Variants in RIPOR3 observed in about 807,000 individuals in gnomAD.
RIPOR3 encodes family with sequence similarity 65 member C.
In RIPOR3, 95 loss-of-function variants were observed where a neutral mutation model predicts 114.3. The ratio of observed to expected loss-of-function variants is 0.83; its 90% CI spans 0.70 to 0.99. The LOEUF is 0.99. Ranked by LOEUF, RIPOR3 falls within the 50% of genes least tolerant of loss-of-function variation. The pLI is 0.00. For missense variants in RIPOR3, 1,252 were observed against 1,266.9 expected (o/e 0.99, Z 0.18); for synonymous variants, 575 against 543.8 (o/e 1.06, Z -0.80).
intron 2 of RIPOR3, chr20:50,621,157 T>G (rs2084389725): frequency 2.8e-6 from 1 of 353,698 alleles, no homozygotes; most frequent in African/African-American, 2.2e-5. Context: ...AAATCTGGTA[T>G]CAGAAATGAA....
chr20:50,642,832 T>A (rs1270522109), intron 1 of RIPOR3, among the ~76,000 whole-genome samples: 2 of 152,042 alleles, frequency 1.3e-5, no homozygotes, highest in African/African-American at 4.8e-5. Context: ...GCAGATCACC[T>A]GAGGTCAGGA....
intron 19 of RIPOR3, among the ~76,000 whole-genome samples, chr20:50,590,436 G>A (rs2083073492): frequency 6.6e-6 from 1 of 152,240 alleles, no homozygotes; most frequent in Non-Finnish European, 1.5e-5. Context: ...TCGAGTGGCT[G>A]CACCTTCAAC....
intron 1 of RIPOR3, among the ~76,000 whole-genome samples, chr20:50,668,522 A>G (rs1568948992): frequency 2.0e-5 from 3 of 152,076 alleles, no homozygotes; most frequent in Non-Finnish European, 4.4e-5. Context: ...TCCCACACAC[A>G]CCCACACAAC....
At position 50,647,654 on chromosome 20, in the gene RIPOR3, T is replaced by C. The variant is rs528402578; in HGVS notation, c.4-16798A>G. ...CCCGCTACCATGCCCGGCTAATTTT[T>C]TGTATTTTTAGTAGAGACAGGGTTT... On this transcript the variant is annotated intron_variant, in intron 1 of 21. Transcript: ENST00000327979. Among the ~76,000 whole-genome samples, 19 of 151,568 alleles carry C rather than the reference T, an allele frequency of 1.3e-4. No homozygotes were observed. The South Asian group carries it at 4.0e-3, about 32-fold the overall frequency.
intron 10 of RIPOR3, 27 bp from the exon 11 acceptor site, chr20:50,608,561 T>C: frequency 6.2e-7 from 1 of 1,613,582 alleles, no homozygotes; most frequent in African/African-American, 1.3e-5. Context: ...GAGGGTGGTG[T>C]CTGAGCCGAA....
chr20:50,679,149 T>TACAC (rs869151189), intron 1 of RIPOR3, among the ~76,000 whole-genome samples: 1 of 99,730 alleles, frequency 1.0e-5, no homozygotes, highest in African/African-American at 4.0e-5. Context: ...TATATATATA[T>TACAC]ACACACACAC....
At chr20:50,675,869 A>C (rs1364137004) in intron 1 of RIPOR3, among the ~76,000 whole-genome samples, 2 of 152,202 alleles carry the variant, frequency 1.3e-5, no homozygotes, top group African/African-American at 4.8e-5. Flanking sequence ...GGCAAGTCGA[A>C]CGGCAGACGG....
chr20:50,592,255 CACTT>C, intron 19 of RIPOR3, 85 bp downstream of exon 19: 1 of 1,355,538 alleles, frequency 7.4e-7, no homozygotes, highest in Non-Finnish European at 9.9e-7. Context: ...CCCTGGCACT[CACTT>C]CTTTGTACTT....
chr20:50,658,616 G>C (rs147624730), intron 1 of RIPOR3, among the ~76,000 whole-genome samples: 109 of 151,976 alleles, frequency 7.2e-4, no homozygotes, highest in African/African-American at 2.5e-3. Flanking sequence ...GAGGTGGGAG[G>C]ATTGATTAGA....
At chr20:50,654,175 T>TCC (rs1568929393) in intron 1 of RIPOR3, among the ~76,000 whole-genome samples, 3 of 151,060 alleles carry the variant, frequency 2.0e-5, no homozygotes, top group South Asian at 2.1e-4. Flanking sequence ...TTTTCTTTCC[T>TCC]TTTTTTTTGA....
intron 1 of RIPOR3, among the ~76,000 whole-genome samples, chr20:50,670,374 C>A (rs1256640802): frequency 7.4e-6 from 1 of 135,690 alleles, no homozygotes; most frequent in Admixed American, 7.4e-5. Flanking sequence ...CCCACCCCCA[C>A]CCACCCACCC....
chr20:50,655,941 AG>A (rs1201736375), intron 1 of RIPOR3, among the ~76,000 whole-genome samples: 2 of 152,112 alleles, frequency 1.3e-5, no homozygotes, highest in Non-Finnish European at 2.9e-5. Flanking sequence ...ACAAGTATGA[AG>A]AAGAAAGTAA....
chr20:50,622,411 A>C (rs539187282), intron 2 of RIPOR3, among the ~76,000 whole-genome samples: 37 of 151,908 alleles, frequency 2.4e-4, no homozygotes, highest in Non-Finnish European at 8.8e-5. Context: ...CGAACTCCTG[A>C]CCTCAAATGA....
At chr20:50,644,301 G>T (rs2085313065) in intron 1 of RIPOR3, among the ~76,000 whole-genome samples, 1 of 133,498 alleles carries the variant, frequency 7.5e-6, no homozygotes, top group African/African-American at 3.2e-5. Context: ...GCACATTTTT[G>T]ACACTAAAAA....
chr20:50,632,881 C>T (rs1232864533), intron 1 of RIPOR3, among the ~76,000 whole-genome samples: 2 of 152,188 alleles, frequency 1.3e-5, no homozygotes, highest in Non-Finnish European at 2.9e-5. Context: ...GTCAGGAGAG[C>T]CTTGCACTGG....
intron 1 of RIPOR3, among the ~76,000 whole-genome samples, chr20:50,641,069 C>G (rs2085174459): frequency 6.6e-6 from 1 of 151,954 alleles, no homozygotes; most frequent in South Asian, 2.1e-4. Context: ...ACCACCACGC[C>G]TGGGTAATTT....
chr20:50,595,552 G>C (rs372119190), intron 15 of RIPOR3, 48 bp from the exon 16 acceptor site: 1 of 1,599,290 alleles, frequency 6.3e-7, no homozygotes, highest in African/African-American at 1.3e-5. Context: ...CATGCCCACC[G>C]AGGTCAGCTG....
chr20:50,686,426 G>A lies in RIPOR3; in HGVS notation c.3+4700C>T, dbSNP rs371360185. Among the ~76,000 whole-genome samples, 26 of 152,116 alleles carry A rather than the reference G, an allele frequency of 1.7e-4. No homozygotes were observed. In the South Asian group the frequency reaches 2.3e-3, roughly 13 times the overall value. ...GCTACTGAGGTTTAAACTCAGGCGC[G>A]CCCTTCCTACCTCGCAAAACAATAA... On this transcript the variant is annotated intron_variant, in intron 1 of 21. Transcript: ENST00000327979.
intron 1 of RIPOR3, among the ~76,000 whole-genome samples, chr20:50,689,272 T>G (rs2087130244): frequency 6.6e-6 from 1 of 151,390 alleles, no homozygotes; most frequent in Non-Finnish European, 1.5e-5. Context: ...CCCTCCCCAG[T>G]TCAAGTGATT....
Sources: gnomAD v4.1 joint callset for allele counts (sites outside exome capture counted in the v4.1 genomes callset) on GRCh38, gnomAD v4.1.1 for gene constraint, MANE v1.5 for transcripts, NCBI Gene and HGNC (gene_info 2026-07-23, HGNC 2026-07-21) for gene names.